NEB: variants seen among roughly 807,000 people sequenced by gnomAD.
NEB encodes the protein nebulin.
A neutral mutation model predicts 952.2 loss-of-function variants in NEB; 512 were observed. The observed-to-expected ratio is 0.54, with a 90% CI of 0.50 to 0.58. The LOEUF (loss-of-function observed/expected upper bound fraction) is 0.58. Ranked by LOEUF, NEB falls within the 20% of genes least tolerant of loss-of-function variation. The pLI, the probability that NEB is intolerant of heterozygous loss-of-function variation, is 0.00. For synonymous variants in NEB, 2,900 were observed against 3,149.8 expected, an observed-to-expected ratio of 0.92 and a Z score of 2.66; for missense variants, 8,428 against 9,231.1, an observed-to-expected ratio of 0.91 and a Z score of 3.56.
At chr2:151,524,213 A>G in intron 153 of NEB, 98 bp downstream of exon 153, 4 of 1,016,234 alleles carry the variant, frequency 3.9e-6, no homozygotes, top group Non-Finnish European at 6.0e-6. Context: ...TTACAGACCC[A>G]GCATCCCTTT....
intron 153 of NEB, 115 bp downstream of exon 153, chr2:151,524,196 A>T: frequency 1.2e-6 from 1 of 829,580 alleles, no homozygotes; most frequent in Non-Finnish European, 1.9e-6. Flanking sequence ...GAAGCTTTGC[A>T]GTACTATTAC....
intron 125 of NEB, 120 bp downstream of exon 125, chr2:151,554,810 TA>T: frequency 1.3e-6 from 1 of 766,500 alleles, no homozygotes; most frequent in Non-Finnish European, 2.3e-6. Flanking sequence ...AGCAATAGGC[TA>T]TCCCATCTAG....
intron 60 of NEB, among the ~76,000 whole-genome samples, chr2:151,640,943 A>G (rs1209565809): frequency 6.6e-6 from 1 of 152,106 alleles, no homozygotes; most frequent in Non-Finnish European, 1.5e-5. Context: ...TTTTTAAAAT[A>G]TTTAATTTTT....
At chr2:151,671,342 T>A in intron 37 of NEB, 113 bp from the exon 38 acceptor site, 1 of 810,200 alleles carries the variant, frequency 1.2e-6, no homozygotes, top group Non-Finnish European at 2.0e-6. Flanking sequence ...AGCATGCTCA[T>A]GTCTGACTGT....
chr2:151,650,833 CGGAATCCAACAT>C lies in NEB; in HGVS notation c.6956_6967del (p.His2319_Phe2322del), dbSNP rs1553449735. ...AAGTTTTGGGTCATCTTGCAGACTC[CGGAATCCAACAT>C]GGTGGCCAAGTTGCTTTCGGTAGCC... On this transcript the variant is annotated inframe_deletion, in exon 53 of 182. Transcript: ENST00000397345. 1 of 1,613,720 alleles carries C rather than the reference CGGAATCCAACAT, an allele frequency of 6.2e-7. No homozygotes were observed.
At chr2:151,520,819 G>A (rs895041068) in intron 153 of NEB, among the ~76,000 whole-genome samples, 1 of 152,094 alleles carries the variant, frequency 6.6e-6, no homozygotes, top group Non-Finnish European at 1.5e-5. Context: ...AGTCAGGATC[G>A]CACCACTGCA....
At chr2:151,643,086 C>G in intron 58 of NEB, 64 bp downstream of exon 58, 1 of 1,487,120 alleles carries the variant, frequency 6.7e-7, no homozygotes. Flanking sequence ...TTTATACAAA[C>G]AGACTTCAGT....
chr2:151,711,122 G>A (rs991414573), intron 10 of NEB, among the ~76,000 whole-genome samples: 3 of 152,200 alleles, frequency 2.0e-5, no homozygotes, highest in Non-Finnish European at 2.9e-5. Context: ...CTGGAAGAGA[G>A]AAGTGGTATG....
chr2:151,625,466 A>G, intron 71 of NEB, 68 bp downstream of exon 71: 1 of 1,262,416 alleles, frequency 7.9e-7, no homozygotes, highest in Non-Finnish European at 1.1e-6. Context: ...TAATTTCATA[A>G]TTCTCACATT....
Position 151,497,176 on chromosome 2 carries a change from C to T in NEB, c.24301-143G>A, listed in dbSNP as rs1003737794. 4 of 1,272,514 alleles carry T rather than the reference C, an allele frequency of 3.1e-6. No individual in the cohort carries two copies. In the African/African-American group the frequency reaches 4.6e-5, roughly 15 times the overall value. The allele number at this position is 1,272,514 out of a possible 1,614,324, so 78.8% of individuals were successfully genotyped here. A position where few individuals can be genotyped will look rare whatever the true frequency, so the allele number is the denominator to read the frequency against. ...GAAGTTATATGCTGACAAAATGCCA[C>T]CGACTACTTTACTTTAGTGGAAGTT... On this transcript the variant is annotated intron_variant, in intron 171 of 181. Coordinates refer to ENST00000397345, the MANE Select transcript of NEB (RefSeq NM_001164508.2).
At chr2:151,707,196 C>T (rs2099709879) in intron 12 of NEB, among the ~76,000 whole-genome samples, 199 bp from the exon 13 acceptor site, 1 of 152,148 alleles carries the variant, frequency 6.6e-6, no homozygotes, top group Non-Finnish European at 1.5e-5. Context: ...TTTTTCTTCC[C>T]ATTCATTTAT....
intron 38 of NEB, among the ~76,000 whole-genome samples, chr2:151,670,167 T>C (rs1459920954): frequency 1.3e-5 from 2 of 152,212 alleles, no homozygotes; most frequent in Non-Finnish European, 2.9e-5. Flanking sequence ...ACACCAGTTA[T>C]TACTCCTAAG....
chr2:151,715,273 A>G (rs1245475261), intron 10 of NEB, among the ~76,000 whole-genome samples: 1 of 152,244 alleles, frequency 6.6e-6, no homozygotes, highest in Non-Finnish European at 1.5e-5. Context: ...AACCCAGTAG[A>G]TCTGAAAATT....
intron 135 of NEB, among the ~76,000 whole-genome samples, chr2:151,542,336 A>G (rs1036468180): frequency 6.6e-6 from 1 of 152,166 alleles, no homozygotes; most frequent in African/African-American, 2.4e-5. Context: ...TGTGATCTCA[A>G]GCATCACTTT....
In NEB at chr2:151,646,347, A is replaced by G. The variant is rs2098957850; in HGVS notation, c.7432-113T>C. On this transcript the variant is annotated intron_variant, in intron 54 of 181. Transcript: ENST00000397345. The stretch of plus-strand genomic sequence containing the variant: ...GAATTAAACATTATACAGAATTGAT[A>G]TAATAAGCAGACAACATAAGCAGAA... The G allele has an allele frequency of 1.7e-5, 14 of 811,608 alleles. No homozygotes were observed. In the South Asian group the frequency reaches 2.2e-4, roughly 13 times the overall value. 50.3% of individuals were successfully genotyped at this position (811,608 alleles called of 1,614,324 possible).
intron 138 of NEB, among the ~76,000 whole-genome samples, chr2:151,538,808 A>G (rs1479531585): frequency 6.6e-6 from 1 of 152,212 alleles, no homozygotes; most frequent in Non-Finnish European, 1.5e-5. Flanking sequence ...TGATATTTCA[A>G]GAGAAAACAG....
intron 13 of NEB, among the ~76,000 whole-genome samples, chr2:151,698,212 CTT>C (rs2099611551): frequency 6.6e-6 from 1 of 152,066 alleles, no homozygotes. Context: ...AATTTTTTTT[CTT>C]TCTTTTTTTT....
chr2:151,678,786 G>A (rs1015347012), intron 32 of NEB, among the ~76,000 whole-genome samples: 1 of 152,096 alleles, frequency 6.6e-6, no homozygotes, highest in Admixed American at 6.5e-5. Context: ...CATGAGGGAA[G>A]GTTCGTGGAA....
At chr2:151,535,881 T>G (rs2093080767) in intron 141 of NEB, 86 bp from the exon 142 acceptor site, 2 of 707,752 alleles carry the variant, frequency 2.8e-6, no homozygotes, top group African/African-American at 3.6e-5. Flanking sequence ...GATATAATTG[T>G]GATAATTAAT....
Sources: gnomAD v4.1 joint callset for allele counts (sites outside exome capture counted in the v4.1 genomes callset) on GRCh38, gnomAD v4.1.1 for gene constraint, MANE v1.5 for transcripts, NCBI Gene and HGNC (gene_info 2026-07-23, HGNC 2026-07-21) for gene names.